Variants in GPR19 observed in about 807,000 individuals in gnomAD.
GPR19 encodes probable G protein-coupled receptor 19.
A neutral mutation model predicts 28.5 loss-of-function variants in GPR19; 14 were observed. That is an observed-to-expected ratio of 0.49 (90% CI 0.32 to 0.77). GPR19 has a LOEUF of 0.77. Among genes scored for constraint, GPR19 ranks in the 30% least tolerant of loss-of-function variants. GPR19 has a pLI of 0.03. For synonymous variants in GPR19, 173 were observed against 184.1 expected, an observed-to-expected ratio of 0.94 and a Z score of 0.49; for missense variants, 409 against 504.1, an observed-to-expected ratio of 0.81 and a Z score of 1.81.
intron 3 of GPR19, among the ~76,000 whole-genome samples, chr12:12,665,805 G>T (rs1945764729): frequency 1.0e-5 from 1 of 97,132 alleles, no homozygotes. Context: ...GGGGCACAAA[G>T]CCAGACTCCG....
At chr12:12,665,219 T>A (rs953685613) in intron 3 of GPR19, among the ~76,000 whole-genome samples, 5 of 152,212 alleles carry the variant, frequency 3.3e-5, no homozygotes, top group African/African-American at 1.2e-4. Context: ...CTTGAAAACC[T>A]GTGAACTTCC....
At chr12:12,676,689 C>G (rs919663673) in intron 3 of GPR19, among the ~76,000 whole-genome samples, 3 of 152,214 alleles carry the variant, frequency 2.0e-5, no homozygotes, top group African/African-American at 7.2e-5. Context: ...AATACCAAAC[C>G]TCTCAGAGAA....
At chr12:12,698,667 A>C (rs1031058417), upstream of GPR19, among the ~76,000 whole-genome samples, 1 of 151,308 alleles carries the variant, frequency 6.6e-6, no homozygotes, top group Non-Finnish European at 1.5e-5. Context: ...CTAGAGTGCC[A>C]TGGCTTGATC....
chr12:12,713,704 T>C, the GPR19 span, among the ~76,000 whole-genome samples: 1 of 151,962 alleles, frequency 6.6e-6, no homozygotes, highest in South Asian at 2.1e-4. Context: ...AGCTAATGTT[T>C]GTATTTGTAG....
At chr12:12,702,471 T>A in the GPR19 span, among the ~76,000 whole-genome samples, 32 of 152,296 alleles carry the variant, frequency 2.1e-4, no homozygotes, top group African/African-American at 7.0e-4. Context: ...GTGGGTTTTT[T>A]AAAAAATTAG....
chr12:12,713,598 T>G, the GPR19 span, among the ~76,000 whole-genome samples: 1 of 152,208 alleles, frequency 6.6e-6, no homozygotes, highest in Non-Finnish European at 1.5e-5. Context: ...AGTGGCAAGA[T>G]CTTGGCTCAC....
At chr12:12,709,688 C>T in the GPR19 span, among the ~76,000 whole-genome samples, 4,363 of 152,266 alleles carry the variant, frequency 0.029, 204 homozygotes, top group African/African-American at 0.099. Flanking sequence ...GTCCTCCCAC[C>T]TCAACCTCCC....
intron 2 of GPR19, among the ~76,000 whole-genome samples, chr12:12,695,056 A>G (rs17820421): frequency 0.072 from 10,926 of 152,238 alleles, 523 homozygotes; most frequent in South Asian, 0.13. Context: ...TGCTAGCTTC[A>G]ATCCTGTGGC....
the GPR19 span, among the ~76,000 whole-genome samples, chr12:12,707,650 A>G: frequency 1.2e-4 from 19 of 152,254 alleles, no homozygotes; most frequent in Non-Finnish European, 1.5e-5. Flanking sequence ...TTCTCAATGT[A>G]AAAAATAGAA....
chr12:12,668,300 A>T (rs1447848235), intron 3 of GPR19, among the ~76,000 whole-genome samples: 1 of 152,192 alleles, frequency 6.6e-6, no homozygotes, highest in African/African-American at 2.4e-5. Context: ...TATTATGTTA[A>T]TAAATCTTTA....
At chr12:12,686,493 A>G (rs1304837408) in intron 2 of GPR19, among the ~76,000 whole-genome samples, 1 of 152,248 alleles carries the variant, frequency 6.6e-6, no homozygotes, top group Non-Finnish European at 1.5e-5. Context: ...TAATTACAAC[A>G]ATAAGAACAA....
the GPR19 span, among the ~76,000 whole-genome samples, chr12:12,714,816 C>T: frequency 6.6e-6 from 1 of 152,164 alleles, no homozygotes; most frequent in African/African-American, 2.4e-5. Context: ...CAGCAGACGC[C>T]TGCGTTCTCA....
At chr12:12,692,686 T>A (rs919434454) in intron 2 of GPR19, among the ~76,000 whole-genome samples, 17 of 151,370 alleles carry the variant, frequency 1.1e-4, no homozygotes, top group African/African-American at 4.1e-4. Flanking sequence ...AAAGACCTAA[T>A]TATAGTTGTT....
intron 3 of GPR19, among the ~76,000 whole-genome samples, chr12:12,673,412 C>T (rs932993825): frequency 9.9e-5 from 15 of 152,180 alleles, no homozygotes; most frequent in African/African-American, 1.7e-4. Flanking sequence ...TGAGACTCAC[C>T]GGGACATAGT....
At chr12:12,685,265 C>CTTTTT (rs11412017) in intron 2 of GPR19, among the ~76,000 whole-genome samples, 2 of 140,058 alleles carry the variant, frequency 1.4e-5, no homozygotes, top group African/African-American at 2.6e-5. Flanking sequence ...TAAATATGGT[C>CTTTTT]TTTTTTTTTT....
the GPR19 span, among the ~76,000 whole-genome samples, chr12:12,710,379 G>T: frequency 1.3e-5 from 2 of 149,262 alleles, no homozygotes; most frequent in African/African-American, 2.5e-5. Flanking sequence ...AATACCACAT[G>T]CATCCTTATT....
rs374389829 is a variant in GPR19, at chr12:12,661,156, A to G, written c.*45T>C. 7.4e-7 allele frequency: 1 copy of G among 1,350,272 alleles called. No individual in the cohort carries two copies. Among genetic ancestry groups the G allele is most frequent in the African/African-American group, 1.5e-5 (1 of 68,338 alleles). The allele number at this position is 1,350,272 out of a possible 1,614,324, so 83.6% of individuals were successfully genotyped here. The stretch of plus-strand genomic sequence containing the variant: ...GTAAATAGCTTCTGTTTTTATAGTT[A>G]AAGCTTTTTAATCTCTGGTGCATAA... On this transcript the variant is annotated 3_prime_UTR_variant, in exon 4 of 4. Transcript: ENST00000651487. The surrounding 1 kb of genome is among the most constrained non-coding windows in gnomAD (Gnocchi z 4.2).
intron 3 of GPR19, among the ~76,000 whole-genome samples, chr12:12,669,618 A>ACAT (rs1303448306): frequency 3.3e-5 from 5 of 152,190 alleles, no homozygotes; most frequent in Non-Finnish European, 7.3e-5. Context: ...AGGCTCAAAG[A>ACAT]CATCATGTTG....
intron 3 of GPR19, among the ~76,000 whole-genome samples, chr12:12,664,542 T>C (rs1422513310): frequency 6.6e-6 from 1 of 151,674 alleles, no homozygotes; most frequent in Non-Finnish European, 1.5e-5. Context: ...GCAAAAATAA[T>C]TAAACATTTT....
Sources: gnomAD v4.1 joint callset for allele counts (sites outside exome capture counted in the v4.1 genomes callset) on GRCh38, gnomAD v4.1.1 for gene constraint, Gnocchi (gnomAD v3.1) non-coding constraint, MANE v1.5 for transcripts, NCBI Gene and HGNC (gene_info 2026-07-23, HGNC 2026-07-21) for gene names.